TAS2R1: variants seen among roughly 807,000 people sequenced by gnomAD.
The protein encoded by TAS2R1 is taste 2 receptor member 1, also known as taste receptor type 2 member 1.
For missense variants in TAS2R1, 370 were observed against 353.4 expected (o/e 1.05, Z -0.38); for synonymous variants, 141 against 134.2 (o/e 1.05, Z -0.35).
the TAS2R1 span, among the ~76,000 whole-genome samples, chr5:9,890,438 G>C: frequency 6.6e-6 from 1 of 151,914 alleles, no homozygotes; most frequent in Non-Finnish European, 1.5e-5. Flanking sequence ...GCTTCTGTAG[G>C]TCCCCTATCT....
At chr5:9,798,255 A>G in the TAS2R1 span, among the ~76,000 whole-genome samples, 2 of 152,228 alleles carry the variant, frequency 1.3e-5, no homozygotes, top group African/African-American at 4.8e-5. Flanking sequence ...GGGATTGATC[A>G]CAAATGGACA....
the TAS2R1 span, among the ~76,000 whole-genome samples, chr5:9,725,627 C>T: frequency 6.6e-6 from 1 of 152,142 alleles, no homozygotes; most frequent in South Asian, 2.1e-4. Flanking sequence ...CCGTGGGCTT[C>T]TGTGCGGCCC....
the TAS2R1 span, among the ~76,000 whole-genome samples, chr5:9,829,251 T>C: frequency 0.36 from 54,099 of 152,044 alleles, 10,002 homozygotes; most frequent in African/African-American, 0.46. Flanking sequence ...TAAAGGCATT[T>C]AAATTTAAAC....
chr5:9,826,479 G>T, the TAS2R1 span, among the ~76,000 whole-genome samples: 1 of 152,116 alleles, frequency 6.6e-6, no homozygotes, highest in South Asian at 2.1e-4. Context: ...TATTTCATTG[G>T]TTTCTTATTT....
intron 2 of TAS2R1, among the ~76,000 whole-genome samples, chr5:9,643,364 A>C (rs536251588): frequency 7.4e-4 from 112 of 152,312 alleles, no homozygotes; most frequent in Non-Finnish European, 1.3e-3. Flanking sequence ...AGTGGTAATT[A>C]TTTATTATTT....
the TAS2R1 span, among the ~76,000 whole-genome samples, chr5:9,813,098 A>T: frequency 6.6e-6 from 1 of 152,302 alleles, no homozygotes; most frequent in South Asian, 2.1e-4. Flanking sequence ...CATTTTAAAC[A>T]AGGACCTTAT....
At chr5:9,694,638 G>C (rs1372587680) in intron 1 of TAS2R1, among the ~76,000 whole-genome samples, 1 of 152,060 alleles carries the variant, frequency 6.6e-6, no homozygotes, top group South Asian at 2.1e-4. Context: ...GATCTTTCAT[G>C]TTACCTTATT....
At chr5:9,888,026 G>A in the TAS2R1 span, among the ~76,000 whole-genome samples, 8 of 152,024 alleles carry the variant, frequency 5.3e-5, no homozygotes, top group South Asian at 2.1e-4. Flanking sequence ...AAGCAGCCCC[G>A]CTGAGAGCAC....
the TAS2R1 span, among the ~76,000 whole-genome samples, chr5:9,750,553 G>A: frequency 4.6e-5 from 7 of 152,102 alleles, no homozygotes; most frequent in Non-Finnish European, 8.8e-5. Context: ...AGATATTGGC[G>A]AAAACTAGAA....
At chr5:9,760,121 C>T in the TAS2R1 span, among the ~76,000 whole-genome samples, 1 of 152,084 alleles carries the variant, frequency 6.6e-6, no homozygotes, top group Non-Finnish European at 1.5e-5. Context: ...AGACCAATTC[C>T]TTGAAAAACA....
chr5:9,768,190 TTCTACCCGAAG>T, the TAS2R1 span, among the ~76,000 whole-genome samples: 1 of 152,144 alleles, frequency 6.6e-6, no homozygotes, highest in Non-Finnish European at 1.5e-5. Context: ...GTCTGGAATG[TTCTACCCGAAG>T]TCTGCACATG....
chr5:9,805,006 CA>C, the TAS2R1 span, among the ~76,000 whole-genome samples: 3,229 of 150,912 alleles, frequency 0.021, 44 homozygotes, highest in Non-Finnish European at 0.032. Flanking sequence ...ACATGATAAA[CA>C]AAAAAAAGAA....
the TAS2R1 span, among the ~76,000 whole-genome samples, chr5:9,856,376 T>G: frequency 6.6e-6 from 1 of 152,078 alleles, no homozygotes; most frequent in African/African-American, 2.4e-5. Context: ...TCTCCTTATA[T>G]TAAGCAAGGG....
chr5:9,891,692 A>T, the TAS2R1 span, among the ~76,000 whole-genome samples: 1 of 152,154 alleles, frequency 6.6e-6, no homozygotes, highest in Non-Finnish European at 1.5e-5. Context: ...CCCATATAAC[A>T]TGCCTCTCAT....
the TAS2R1 span, among the ~76,000 whole-genome samples, chr5:9,873,745 T>C: frequency 1.3e-5 from 2 of 151,510 alleles, no homozygotes; most frequent in Admixed American, 1.3e-4. Context: ...GGCCTGCACT[T>C]GTAGTCCCGG....
the TAS2R1 span, among the ~76,000 whole-genome samples, chr5:9,842,249 C>T: frequency 4.0e-3 from 607 of 151,462 alleles, 5 homozygotes; most frequent in African/African-American, 0.014. Flanking sequence ...AGTAAAGCCC[C>T]TGGAGCATGT....
the TAS2R1 span, among the ~76,000 whole-genome samples, chr5:9,725,045 C>T: frequency 6.6e-6 from 1 of 152,296 alleles, no homozygotes; most frequent in East Asian, 1.9e-4. Flanking sequence ...CCTGAGTCAC[C>T]GAGCTGCCTA....
the TAS2R1 span, among the ~76,000 whole-genome samples, chr5:9,871,626 T>G: frequency 6.6e-6 from 1 of 152,110 alleles, no homozygotes; most frequent in East Asian, 1.9e-4. Flanking sequence ...CAGGAGGAAT[T>G]TTACCCCAGA....
chr5:9,667,214 G>A (rs974790397), intron 1 of TAS2R1, among the ~76,000 whole-genome samples: 8 of 152,106 alleles, frequency 5.3e-5, no homozygotes, highest in African/African-American at 1.9e-4. Flanking sequence ...TCCCACTTCT[G>A]CCTCAACTTG....
Sources: gnomAD v4.1 joint callset for allele counts (sites outside exome capture counted in the v4.1 genomes callset) on GRCh38, gnomAD v4.1.1 for gene constraint, MANE v1.5 for transcripts, NCBI Gene and HGNC (gene_info 2026-07-23, HGNC 2026-07-21) for gene names.